CNTN4: variants seen among roughly 807,000 people sequenced by gnomAD.
The protein encoded by CNTN4 is contactin-4.
CNTN4 carries 77 observed loss-of-function variants against 122.5 expected under a neutral mutation model. That is an observed-to-expected ratio of 0.63 (90% CI 0.52 to 0.76). The LOEUF (loss-of-function observed/expected upper bound fraction) is 0.76. Among genes scored for constraint, CNTN4 ranks in the 30% least tolerant of loss-of-function variants. The probability of loss-of-function intolerance (pLI) is 0.00; values close to 1 mark genes in which losing one functional copy is unlikely to be tolerated. For missense variants in CNTN4, 1,256 were observed against 1,259.1 expected, an observed-to-expected ratio of 1.00 and a Z score of 0.04; for synonymous variants, 512 against 447.0, an observed-to-expected ratio of 1.15 and a Z score of -1.83.
At chr3:2,106,358 C>T (rs2032441677) in intron 2 of CNTN4, among the ~76,000 whole-genome samples, 1 of 152,226 alleles carries the variant, frequency 6.6e-6, no homozygotes, top group African/African-American at 2.4e-5. Context: ...TTCATGAGGG[C>T]TCTGCCCCTT....
intron 3 of CNTN4, among the ~76,000 whole-genome samples, chr3:2,469,384 G>C (rs897387451): frequency 2.0e-5 from 3 of 152,178 alleles, no homozygotes; most frequent in Non-Finnish European, 4.4e-5. Flanking sequence ...TTTTCTAGCA[G>C]GTGCTCATTC....
At chr3:2,213,102 T>C (rs915042118) in intron 2 of CNTN4, among the ~76,000 whole-genome samples, 1 of 152,228 alleles carries the variant, frequency 6.6e-6, no homozygotes, top group Non-Finnish European at 1.5e-5. Context: ...GTTAGGAATC[T>C]GGTTCACTGA....
At chr3:3,006,898 C>A (rs982794406) in intron 14 of CNTN4, among the ~76,000 whole-genome samples, 10 of 152,142 alleles carry the variant, frequency 6.6e-5, no homozygotes, top group African/African-American at 2.4e-4. Context: ...GTACCTTTAA[C>A]TGATAATCAA....
chr3:2,580,033 TTGTA>T (rs912061776), intron 4 of CNTN4, among the ~76,000 whole-genome samples: 27 of 62,644 alleles, frequency 4.3e-4, no homozygotes, highest in East Asian at 1.7e-3. Context: ...TTGGTTAAGC[TTGTA>T]TGTGTGTGTG....
At chr3:2,940,006 A>G (rs1204374495) in intron 13 of CNTN4, among the ~76,000 whole-genome samples, 1 of 152,208 alleles carries the variant, frequency 6.6e-6, no homozygotes, top group Non-Finnish European at 1.5e-5. Flanking sequence ...ACAGCACACC[A>G]CTAGCTGTGG....
At chr3:2,583,528 G>A (rs1269327336) in intron 4 of CNTN4, among the ~76,000 whole-genome samples, 7 of 152,174 alleles carry the variant, frequency 4.6e-5, no homozygotes, top group African/African-American at 1.4e-4. Flanking sequence ...ATTTTATTAA[G>A]AGTGTTTTAG....
chr3:2,163,733 CAT>C (rs1264592276), intron 2 of CNTN4, among the ~76,000 whole-genome samples: 1 of 151,510 alleles, frequency 6.6e-6, no homozygotes, highest in African/African-American at 2.4e-5. Context: ...AGCCAATAAA[CAT>C]ATGAAAAAAT....
chr3:2,726,802 A>T (rs2088257976), intron 4 of CNTN4, among the ~76,000 whole-genome samples: 1 of 152,154 alleles, frequency 6.6e-6, no homozygotes, highest in African/African-American at 2.4e-5. Flanking sequence ...GCAATACGTG[A>T]TGGACCCTGA....
intron 3 of CNTN4, among the ~76,000 whole-genome samples, chr3:2,423,907 G>C (rs1350389585): frequency 8.0e-6 from 1 of 125,008 alleles, no homozygotes; most frequent in Non-Finnish European, 1.7e-5. Context: ...CACAGGAAAA[G>C]GAATATCACA....
In CNTN4 at chr3:2,694,598, C is replaced by T. The variant is rs148166569; in HGVS notation, c.56-41617C>T. 3.0e-3 allele frequency among the ~76,000 whole-genome samples: 463 copies of T among 152,228 alleles called. 1 individual carries two copies. Among genetic ancestry groups the T allele is most frequent in the African/African-American group, 0.01 (433 of 41,542 alleles). ...TACAAAAATTAGCTGGGCATGGTGG[C>T]AGATGCCTGTAATCCCAGCTACTTA... On this transcript the variant is annotated intron_variant, in intron 4 of 24. Coordinates refer to ENST00000418658, the MANE Select transcript of CNTN4 (RefSeq NM_175607.3).
intron 2 of CNTN4, among the ~76,000 whole-genome samples, chr3:2,287,497 G>C (rs974767647): frequency 4.0e-5 from 6 of 151,734 alleles, no homozygotes; most frequent in Non-Finnish European, 5.9e-5. Flanking sequence ...AGCTACTTGA[G>C]TGGGCTGAGG....
chr3:2,458,652 C>T (rs940445847), intron 3 of CNTN4, among the ~76,000 whole-genome samples: 17 of 152,148 alleles, frequency 1.1e-4, no homozygotes, highest in Non-Finnish European at 8.8e-5. Context: ...AAGTTAGTAC[C>T]CATGAATTTT....
At chr3:2,187,147 G>A (rs1482473872) in intron 2 of CNTN4, among the ~76,000 whole-genome samples, 1 of 152,046 alleles carries the variant, frequency 6.6e-6, no homozygotes, top group Non-Finnish European at 1.5e-5. Context: ...TCTACATATG[G>A]CTAGCCTGTT....
At chr3:2,433,462 AT>A (rs370252801) in intron 3 of CNTN4, among the ~76,000 whole-genome samples, 3 of 149,706 alleles carry the variant, frequency 2.0e-5, no homozygotes, top group South Asian at 2.1e-4. Flanking sequence ...TAGGTGGCTC[AT>A]TTTTTTATTA....
chr3:2,720,229 G>A (rs1299018825), intron 4 of CNTN4, among the ~76,000 whole-genome samples: 7 of 151,994 alleles, frequency 4.6e-5, no homozygotes, highest in African/African-American at 1.7e-4. Context: ...GCTTCTTTTT[G>A]ATGTCAATGA....
chr3:2,770,031 GT>G (rs1204030725), intron 6 of CNTN4, among the ~76,000 whole-genome samples: 2 of 138,930 alleles, frequency 1.4e-5, no homozygotes, highest in Middle Eastern at 3.7e-3. Flanking sequence ...TTGTTTGTTT[GT>G]TTGTTTTTTT....
At chr3:2,789,399 G>T (rs1164898598) in intron 6 of CNTN4, among the ~76,000 whole-genome samples, 1 of 152,210 alleles carries the variant, frequency 6.6e-6, no homozygotes, top group Non-Finnish European at 1.5e-5. Flanking sequence ...AGAAGGCTTA[G>T]CCCTGACCTA....
intron 3 of CNTN4, among the ~76,000 whole-genome samples, chr3:2,527,353 G>T (rs7648280): frequency 1.3e-5 from 2 of 151,960 alleles, no homozygotes; most frequent in Admixed American, 6.6e-5. Flanking sequence ...AGAAGTGGTC[G>T]TTAAAAGCTG....
chr3:2,772,728 A>G (rs958546496), intron 6 of CNTN4, among the ~76,000 whole-genome samples: 19 of 152,226 alleles, frequency 1.2e-4, no homozygotes, highest in Admixed American at 1.2e-3. Context: ...GAAATACTAC[A>G]TCGATAGGGC....
Sources: allele counts gnomAD v4.1 joint callset (sites outside exome capture counted in the v4.1 genomes callset), GRCh38; gene constraint gnomAD v4.1.1; transcripts MANE v1.5; gene names NCBI Gene and HGNC (gene_info 2026-07-23, HGNC 2026-07-21).